GRIK3: variants seen among roughly 807,000 people sequenced by gnomAD.
The protein encoded by GRIK3 is glutamate receptor ionotropic, kainate 3.
GRIK3 carries 29 observed loss-of-function variants against 102.5 expected under a neutral mutation model. That is an observed-to-expected ratio of 0.28 (90% CI 0.21 to 0.39). GRIK3 has a LOEUF of 0.39. Ranked by LOEUF, GRIK3 falls within the 10% of genes least tolerant of loss-of-function variation. The pLI is 1.00. For missense variants in GRIK3, 908 were observed against 1,252.4 expected, an observed-to-expected ratio of 0.73 and a Z score of 4.15; for synonymous variants, 511 against 504.9, an observed-to-expected ratio of 1.01 and a Z score of -0.16.
intron 1 of GRIK3, among the ~76,000 whole-genome samples, chr1:36,937,728 C>T (rs902515165): frequency 2.0e-5 from 3 of 152,104 alleles, no homozygotes; most frequent in African/African-American, 7.2e-5. Flanking sequence ...TGGAAACAGC[C>T]ATTCCAATTG....
Position 36,806,643 on chromosome 1 carries a change from C to T in GRIK3, c.2092-317G>A, listed in dbSNP as rs571600570. Among the ~76,000 whole-genome samples the T allele has an allele frequency of 3.9e-5, 6 of 152,252 alleles. No homozygotes were observed. The highest frequency in any genetic ancestry group is 1.2e-4 in the African/African-American group (5 of 41,530). On this transcript the variant is annotated intron_variant, in intron 13 of 15. Coordinates refer to ENST00000373091, the MANE Select transcript of GRIK3 (RefSeq NM_000831.4). This position sits in a 1 kb window ranked among gnomAD's most constrained non-coding sequence, Gnocchi z 4.0. ...CTCTAAAATTTATTAAAAGTTAGCACGTTCAGGCTTTGTTCTAAGTGCTCT... is the reference window on the plus strand; with the variant it reads ...CTCTAAAATTTATTAAAAGTTAGCATGTTCAGGCTTTGTTCTAAGTGCTCT...
intron 1 of GRIK3, among the ~76,000 whole-genome samples, chr1:36,913,177 A>G (rs1402094685): frequency 6.6e-6 from 1 of 152,134 alleles, no homozygotes; most frequent in East Asian, 1.9e-4. Flanking sequence ...GGCGTGTCCC[A>G]CCACCATCCC....
At chr1:36,896,086 G>A (rs1298915262) in intron 1 of GRIK3, among the ~76,000 whole-genome samples, 4 of 152,094 alleles carry the variant, frequency 2.6e-5, no homozygotes, top group Non-Finnish European at 5.9e-5. Context: ...AAAAATCAAT[G>A]AAATTTGTTG....
At chr1:36,804,137 G>A (rs140846732) in intron 15 of GRIK3, among the ~76,000 whole-genome samples, 1 of 152,130 alleles carries the variant, frequency 6.6e-6, no homozygotes, top group Non-Finnish European at 1.5e-5. Context: ...GTTGACTAAG[G>A]CTTGCTGGTT....
intron 10 of GRIK3, among the ~76,000 whole-genome samples, chr1:36,833,494 G>C (rs1219224549): frequency 6.6e-6 from 1 of 152,176 alleles, no homozygotes; most frequent in East Asian, 1.9e-4. Context: ...CTCCACCTTT[G>C]GAGCCCATCT....
chr1:37,015,955 G>T (rs1642649129), intron 1 of GRIK3, among the ~76,000 whole-genome samples: 1 of 152,240 alleles, frequency 6.6e-6, no homozygotes, highest in Non-Finnish European at 1.5e-5. Flanking sequence ...CAAAGACATG[G>T]TAATGCAAAA....
At chr1:36,923,530 ACAC>A (rs1364652294) in intron 1 of GRIK3, among the ~76,000 whole-genome samples, 10 of 152,198 alleles carry the variant, frequency 6.6e-5, no homozygotes, top group Admixed American at 5.9e-4. Context: ...GGTGAGGTGG[ACAC>A]CACTGCATGG....
rs1641941257 is a variant in GRIK3 at position 36,957,880 on chromosome 1, G to GT, written c.116-66785_116-66784insA. ...GAGTCTGTGTGCCCCGTGACTCTGT[G>GT]CCCCTGAGTCTGTGTGCCCTGTGAG... On this transcript the variant is annotated intron_variant, in intron 1 of 15. Coordinates refer to ENST00000373091, the MANE Select transcript of GRIK3 (RefSeq NM_000831.4). Among the ~76,000 whole-genome samples, 6 of 73,698 alleles carry GT rather than the reference G, an allele frequency of 8.1e-5. No individual in the cohort carries two copies. In the South Asian group the frequency reaches 1.5e-3, roughly 19 times the overall value. 48.3% of individuals were successfully genotyped at this position (73,698 alleles called of 152,430 possible).
chr1:36,922,947 A>G (rs1421078977), intron 1 of GRIK3, among the ~76,000 whole-genome samples: 1 of 152,138 alleles, frequency 6.6e-6, no homozygotes, highest in African/African-American at 2.4e-5. Flanking sequence ...GCTGTATTGC[A>G]GGGTTGCAGC....
At chr1:36,865,783 G>T (rs1018421292) in intron 5 of GRIK3, among the ~76,000 whole-genome samples, 1 of 152,252 alleles carries the variant, frequency 6.6e-6, no homozygotes, top group Non-Finnish European at 1.5e-5. Context: ...ACTTCAGGAA[G>T]TGCCTGATGC....
At chr1:36,821,416 T>A (rs579936) in intron 11 of GRIK3, among the ~76,000 whole-genome samples, 2 of 151,990 alleles carry the variant, frequency 1.3e-5, no homozygotes, top group African/African-American at 4.8e-5. Flanking sequence ...CTACCACATC[T>A]AGGGAGAGGG....
At chr1:36,876,806 G>GC (rs1640916490) in intron 3 of GRIK3, among the ~76,000 whole-genome samples, 1 of 152,124 alleles carries the variant, frequency 6.6e-6, no homozygotes, top group Admixed American at 6.5e-5. Flanking sequence ...CCAAACCTGA[G>GC]CCCCTAGTGC....
intron 1 of GRIK3, among the ~76,000 whole-genome samples, chr1:36,949,538 CTTTTCTTTCTTTT>C (rs889708556): frequency 1.4e-4 from 19 of 131,452 alleles, no homozygotes; most frequent in Middle Eastern, 4.0e-3. Context: ...GCATGTCTTT[CTTTTCTTTCTTTT>C]TTTTCTTTCT....
At chr1:36,935,915 T>C (rs1641652903) in intron 1 of GRIK3, among the ~76,000 whole-genome samples, 1 of 152,174 alleles carries the variant, frequency 6.6e-6, no homozygotes, top group South Asian at 2.1e-4. Flanking sequence ...CCCGACTCCC[T>C]CAGATTGCTT....
At chr1:36,870,257 C>G (rs1640829031) in intron 4 of GRIK3, among the ~76,000 whole-genome samples, 1 of 152,112 alleles carries the variant, frequency 6.6e-6, no homozygotes, top group African/African-American at 2.4e-5. Context: ...CTGGCCTAGC[C>G]AGGCCTGAGC....
In GRIK3 at chr1:36,859,891, G is replaced by C. The variant is rs1640700555; in HGVS notation, c.913C>G (p.Gln305Glu). 1 of 1,613,660 alleles carries C rather than the reference G, an allele frequency of 6.2e-7. No individual in the cohort carries two copies. Among genetic ancestry groups the C allele is most frequent in the African/African-American group, 1.3e-5 (1 of 74,938 alleles). The change falls in exon 6 of 16, where the codon CAG becomes GAG. Residue 305 changes from glutamine to glutamate, a missense_variant. Around this residue, in one of 3 missense-constraint regions of GRIK3, gnomAD observed 585 missense variants for 824.9 expected, o/e 0.71. Transcript: ENST00000373091. ...CCAGACTCGGACCGGGGAGCTGCCT[G>C]CAGCCGCTCCATGGACCACTTCTCC... is the stretch of plus-strand genomic sequence containing the variant. The part of the protein sequence containing the change: ...IVEKWSMERL[Q>E]AAPRSESGLL...
intron 1 of GRIK3, among the ~76,000 whole-genome samples, chr1:37,009,579 T>C (rs549964190): frequency 2.8e-4 from 43 of 152,224 alleles, no homozygotes; most frequent in African/African-American, 9.9e-4. Context: ...GAAACGGCAG[T>C]GTGTATGGCT....
At chr1:36,995,220 C>G (rs999537897) in intron 1 of GRIK3, among the ~76,000 whole-genome samples, 7 of 152,180 alleles carry the variant, frequency 4.6e-5, no homozygotes, top group African/African-American at 1.7e-4. Context: ...ACCTGCCACC[C>G]CATCAATAAT....
chr1:36,824,545 G>C (rs377198441), intron 11 of GRIK3, among the ~76,000 whole-genome samples: 10 of 152,176 alleles, frequency 6.6e-5, no homozygotes, highest in East Asian at 5.8e-4. Context: ...GGAGTGAAGT[G>C]GGGGGAGGGC....
Sources: gnomAD v4.1 joint callset for allele counts (sites outside exome capture counted in the v4.1 genomes callset) on GRCh38, gnomAD v4.1.1 for gene constraint, gnomAD v4.1.1 regional missense constraint, Gnocchi (gnomAD v3.1) non-coding constraint, MANE v1.5 for transcripts, NCBI Gene and HGNC (gene_info 2026-07-23, HGNC 2026-07-21) for gene names.